MSI2: variants seen among roughly 807,000 people sequenced by gnomAD.
MSI2 encodes musashi RNA binding protein 2.
In MSI2, 17 loss-of-function variants were observed where a neutral mutation model predicts 45.6. The observed-to-expected ratio is 0.37, with a 90% CI of 0.26 to 0.56. The LOEUF is 0.56. Among genes scored for constraint, MSI2 ranks in the 20% least tolerant of loss-of-function variants. The pLI is 0.77. For synonymous variants in MSI2, 156 were observed against 158.2 expected, an observed-to-expected ratio of 0.99 and a Z score of 0.11; for missense variants, 293 against 444.2, an observed-to-expected ratio of 0.66 and a Z score of 3.06.
intron 6 of MSI2, chr17:57,450,347 A>T (rs2084991926): frequency 6.6e-6 from 1 of 151,502 alleles, no homozygotes; most frequent in South Asian, 2.1e-4. Flanking sequence ...ACATAAAGTA[A>T]TATAAGAAGT....
chr17:57,501,265 G>A (rs541402831), intron 6 of MSI2, among the ~76,000 whole-genome samples: 2 of 152,322 alleles, frequency 1.3e-5, no homozygotes, highest in South Asian at 4.1e-4. Flanking sequence ...CTGGAGGAAC[G>A]GCTTGACTCC....
intron 5 of MSI2, among the ~76,000 whole-genome samples, chr17:57,350,741 C>G (rs1915968316): frequency 6.6e-6 from 1 of 152,210 alleles, no homozygotes; most frequent in Admixed American, 6.5e-5. Context: ...CTGCCTCCTC[C>G]TCCTGTGCCT....
chr17:57,295,991 CCTTTTTTT>C (rs1910900165), intron 5 of MSI2, among the ~76,000 whole-genome samples: 3 of 58,092 alleles, frequency 5.2e-5, no homozygotes, highest in African/African-American at 1.8e-4. Context: ...ACGCAGCCTT[CCTTTTTTT>C]TTTTTTTTTT....
At chr17:57,671,913 G>A (rs1912815569) in intron 11 of MSI2, among the ~76,000 whole-genome samples, 1 of 152,176 alleles carries the variant, frequency 6.6e-6, no homozygotes, top group African/African-American at 2.4e-5. Flanking sequence ...TCTGGAGCCT[G>A]GTTCTTCTGC....
At chr17:57,474,217 G>A (rs2085495029) in intron 6 of MSI2, among the ~76,000 whole-genome samples, 1 of 152,314 alleles carries the variant, frequency 6.6e-6, no homozygotes, top group East Asian at 1.9e-4. Context: ...ATTCATAGCA[G>A]TTGGGTCTAG....
intron 9 of MSI2, among the ~76,000 whole-genome samples, chr17:57,621,701 T>G (rs1307938580): frequency 6.6e-6 from 1 of 152,250 alleles, no homozygotes; most frequent in East Asian, 1.9e-4. Context: ...TTATTCTATC[T>G]TGATCTCTGT....
At chr17:57,423,676 C>T (rs2084437519) in intron 6 of MSI2, among the ~76,000 whole-genome samples, 1 of 152,258 alleles carries the variant, frequency 6.6e-6, no homozygotes, top group South Asian at 2.1e-4. Flanking sequence ...TTCTTGACTT[C>T]CCTCCCTCAG....
At chr17:57,332,928 G>C (rs537352744) in intron 5 of MSI2, among the ~76,000 whole-genome samples, 1 of 152,270 alleles carries the variant, frequency 6.6e-6, no homozygotes, top group South Asian at 2.1e-4. Context: ...GGGAGGCTGA[G>C]GCAGGAGAAT....
At chr17:57,372,529 A>G (rs890568010) in intron 5 of MSI2, among the ~76,000 whole-genome samples, 1 of 152,252 alleles carries the variant, frequency 6.6e-6, no homozygotes, top group Non-Finnish European at 1.5e-5. Flanking sequence ...AATTATAGTC[A>G]ACATATTGAT....
Position 57,511,933 on chromosome 17 carries a change from A to G in MSI2, c.406-17743A>G, listed in dbSNP as rs1013702793. On this transcript the variant is annotated intron_variant, in intron 6 of 13. Coordinates refer to ENST00000284073, the MANE Select transcript of MSI2 (RefSeq NM_138962.4). ...GCTCCCGTGGCTTACATTCCACTCC[A>G]GACACACACACCTGCTGCTCCATTA... 4.6e-5 allele frequency among the ~76,000 whole-genome samples: 7 copies of G among 152,188 alleles called. 1 individual carries two copies. Among genetic ancestry groups the G allele is most frequent in the African/African-American group, 1.7e-4 (7 of 41,442 alleles).
At chr17:57,603,921 A>G (rs899271920) in intron 8 of MSI2, among the ~76,000 whole-genome samples, 2 of 152,238 alleles carry the variant, frequency 1.3e-5, no homozygotes, top group African/African-American at 4.8e-5. Flanking sequence ...TTGAGCACAC[A>G]TTATTAGGGG....
chr17:57,419,192 TTTTTTTTTAAA>T (rs2084350256), intron 6 of MSI2, among the ~76,000 whole-genome samples: 1 of 151,914 alleles, frequency 6.6e-6, no homozygotes, highest in Non-Finnish European at 1.5e-5. Flanking sequence ...TTTCTTTTTT[TTTTTTTTTAAA>T]TAGAGCAAAG....
At chr17:57,677,435 T>C (rs1043556927) in intron 13 of MSI2, among the ~76,000 whole-genome samples, 13 of 152,106 alleles carry the variant, frequency 8.5e-5, no homozygotes, top group Admixed American at 7.2e-4. Flanking sequence ...CAGGGAAGCA[T>C]TGGGCTTCTG....
At chr17:57,516,692 T>C (rs1167928923) in intron 6 of MSI2, among the ~76,000 whole-genome samples, 1 of 152,230 alleles carries the variant, frequency 6.6e-6, no homozygotes, top group Non-Finnish European at 1.5e-5. Context: ...GTTGTATCAA[T>C]AGTTTCTACT....
intron 11 of MSI2, among the ~76,000 whole-genome samples, chr17:57,656,205 C>T (rs1157534538): frequency 1.3e-5 from 2 of 152,194 alleles, no homozygotes; most frequent in African/African-American, 4.8e-5. Context: ...GCCACCACCA[C>T]CTCCCCTCAC....
chr17:57,344,044 C>T lies in MSI2; in HGVS notation c.313-57335C>T, dbSNP rs540752676. Among the ~76,000 whole-genome samples, 7 of 152,304 alleles carry T rather than the reference C, an allele frequency of 4.6e-5. No individual in the cohort carries two copies. In the South Asian group the frequency reaches 6.2e-4, roughly 14 times the overall value. ...ATAGTTACTATGTTTTGTCTTGCAA[C>T]GAAGAAGCAGTCTGTGGGGAGATGC... On this transcript the variant is annotated intron_variant, in intron 5 of 13. Transcript: ENST00000284073.
At chr17:57,499,375 T>TTAAAAA (rs2086050011) in intron 6 of MSI2, among the ~76,000 whole-genome samples, 1 of 125,846 alleles carries the variant, frequency 7.9e-6, no homozygotes, top group African/African-American at 3.1e-5. Context: ...GATTCTGTCT[T>TTAAAAA]AAAAAAAAAA....
chr17:57,461,973 G>A (rs953264797), intron 6 of MSI2, among the ~76,000 whole-genome samples: 2 of 152,168 alleles, frequency 1.3e-5, no homozygotes, highest in South Asian at 2.1e-4. Flanking sequence ...CAAACTGGGT[G>A]CCTCAGCTAC....
chr17:57,660,653 C>A (rs1416490064), intron 11 of MSI2, among the ~76,000 whole-genome samples: 2 of 152,200 alleles, frequency 1.3e-5, no homozygotes, highest in Non-Finnish European at 2.9e-5. Flanking sequence ...TCAGCTTTGT[C>A]TGGGAAGTCA....
Sources: allele counts gnomAD v4.1 joint callset (sites outside exome capture counted in the v4.1 genomes callset), GRCh38; gene constraint gnomAD v4.1.1; transcripts MANE v1.5; gene names NCBI Gene and HGNC (gene_info 2026-07-23, HGNC 2026-07-21).